GPD2: variants seen among roughly 807,000 people sequenced by gnomAD.
The protein encoded by GPD2 is glycerol-3-phosphate dehydrogenase, mitochondrial.
GPD2 carries 54 observed loss-of-function variants against 82.4 expected under a neutral mutation model. The observed-to-expected ratio is 0.66, with a 90% confidence interval of 0.53 to 0.82. GPD2 has a LOEUF of 0.82. Among genes scored for constraint, GPD2 ranks in the 40% least tolerant of loss-of-function variants. The pLI, the probability that GPD2 is intolerant of heterozygous loss-of-function variation, is 0.00. For missense variants in GPD2, 748 were observed against 896.2 expected, an observed-to-expected ratio of 0.83 and a Z score of 2.11; for synonymous variants, 288 against 306.1, an observed-to-expected ratio of 0.94 and a Z score of 0.62.
chr2:156,462,453 A>ATTTTTTTTTTTTT (rs35159143), intron 1 of GPD2, among the ~76,000 whole-genome samples: 1 of 118,186 alleles, frequency 8.5e-6, no homozygotes. Context: ...ACCCGGATAC[A>ATTTTTTTTTTTTT]TTTTTTTTTT....
chr2:156,505,215 T>C (rs1335292886), intron 3 of GPD2, among the ~76,000 whole-genome samples: 1 of 152,162 alleles, frequency 6.6e-6, no homozygotes, highest in East Asian at 1.9e-4. Context: ...GCTGTGTTAG[T>C]TCATAACTCT....
the GPD2 span, among the ~76,000 whole-genome samples, chr2:156,412,504 CT>C: frequency 6.6e-6 from 1 of 151,068 alleles, no homozygotes; most frequent in Non-Finnish European, 1.5e-5. Context: ...CCATCTTTTA[CT>C]AGTTCTGTAA....
At chr2:156,541,705 T>C (rs555123576) in intron 6 of GPD2, among the ~76,000 whole-genome samples, 1 of 152,224 alleles carries the variant, frequency 6.6e-6, no homozygotes, top group Non-Finnish European at 1.5e-5. Flanking sequence ...TATAACTGCA[T>C]AGCCTGTGAA....
intron 1 of GPD2, among the ~76,000 whole-genome samples, chr2:156,451,491 G>A (rs796463609): frequency 0.011 from 337 of 31,092 alleles, 30 homozygotes; most frequent in African/African-American, 0.031. Context: ...CCTCCCTCCC[G>A]GAAGGGGCGG....
chr2:156,477,584 T>G (rs1378483520), intron 2 of GPD2, among the ~76,000 whole-genome samples: 1 of 152,224 alleles, frequency 6.6e-6, no homozygotes, highest in Non-Finnish European at 1.5e-5. Context: ...GTCTTTTGAT[T>G]AGTGTTAGTC....
At position 156,585,044 on chromosome 2, in the gene GPD2, T is replaced by C. The variant is rs1688164699; in HGVS notation, c.*2126T>C. On this transcript the variant is annotated 3_prime_UTR_variant, in exon 17 of 17. Transcript: ENST00000438166. ...CAAAGAAAAGCACACTTTTCTTCTT[T>C]TGAGCATATCTGCTTTTACTTTAAA... 1 of 151,988 alleles carries C rather than the reference T, an allele frequency of 6.6e-6. No individual in the cohort carries two copies. The highest frequency in any genetic ancestry group is 2.1e-4 in the South Asian group (1 of 4,838). 9.4% of individuals were successfully genotyped at this position (151,988 alleles called of 1,614,324 possible).
chr2:156,409,541 T>A, the GPD2 span, among the ~76,000 whole-genome samples: 202 of 150,138 alleles, frequency 1.3e-3, no homozygotes, highest in Non-Finnish European at 2.4e-3. Context: ...CCACAAAAAA[T>A]AAAAAAAAAT....
intron 1 of GPD2, among the ~76,000 whole-genome samples, chr2:156,463,192 A>G (rs549423036): frequency 3.9e-5 from 6 of 152,238 alleles, no homozygotes; most frequent in South Asian, 2.1e-4. Flanking sequence ...TAAGTCGTCA[A>G]TAATTGAATT....
At chr2:156,435,628 G>A (rs955620492), upstream of GPD2, 1 of 152,296 alleles carries the variant, frequency 6.6e-6, no homozygotes, top group Non-Finnish European at 1.5e-5. Flanking sequence ...GGAGCCAGGA[G>A]GCCTGGCGCG....
chr2:156,559,400 G>A (rs183276439), intron 9 of GPD2, among the ~76,000 whole-genome samples: 41 of 152,134 alleles, frequency 2.7e-4, no homozygotes, highest in African/African-American at 8.9e-4. Flanking sequence ...ACAAGTTTAC[G>A]ATTAAAAATA....
the GPD2 span, among the ~76,000 whole-genome samples, chr2:156,416,878 G>A: frequency 6.6e-6 from 1 of 152,034 alleles, no homozygotes; most frequent in Non-Finnish European, 1.5e-5. Context: ...AGAAAATATT[G>A]GTGAGGAAGA....
chr2:156,476,249 A>C, intron 2 of GPD2, 42 bp downstream of exon 2: 4 of 1,057,692 alleles, frequency 3.8e-6, no homozygotes, highest in Non-Finnish European at 4.5e-6. Context: ...TGCAACTTAA[A>C]TCTGCTAAAG....
intron 1 of GPD2, among the ~76,000 whole-genome samples, chr2:156,457,209 A>G (rs1309103679): frequency 6.6e-6 from 1 of 152,234 alleles, no homozygotes; most frequent in African/African-American, 2.4e-5. Flanking sequence ...ATAAAAATAA[A>G]TACCAAGAAG....
the GPD2 span, among the ~76,000 whole-genome samples, chr2:156,409,882 A>G: frequency 6.6e-6 from 1 of 152,086 alleles, no homozygotes; most frequent in Non-Finnish European, 1.5e-5. Context: ...TGAGGCCAGG[A>G]GTTTGACACC....
chr2:156,482,861 T>C (rs1383091356), intron 2 of GPD2, among the ~76,000 whole-genome samples: 6 of 152,164 alleles, frequency 3.9e-5, no homozygotes, highest in Non-Finnish European at 7.4e-5. Context: ...GAAATACAGG[T>C]AAGCCTATAC....
the GPD2 span, among the ~76,000 whole-genome samples, chr2:156,415,616 G>A: frequency 6.6e-6 from 1 of 151,992 alleles, no homozygotes; most frequent in East Asian, 2.0e-4. Flanking sequence ...AGCACTTTGG[G>A]AGGCCGAGAC....
chr2:156,545,025 T>G (rs911290915), intron 6 of GPD2, among the ~76,000 whole-genome samples: 1 of 152,192 alleles, frequency 6.6e-6, no homozygotes, highest in African/African-American at 2.4e-5. Flanking sequence ...GTTTTCCTTT[T>G]TAAGTTTACA....
chr2:156,563,484 G>GACTGTA (rs1479266106), intron 9 of GPD2, among the ~76,000 whole-genome samples: 2 of 152,128 alleles, frequency 1.3e-5, no homozygotes, highest in African/African-American at 4.8e-5. Flanking sequence ...TATTAATCTT[G>GACTGTA]ACTGTAACCT....
At chr2:156,477,624 C>A (rs1683558838) in intron 2 of GPD2, among the ~76,000 whole-genome samples, 1 of 152,132 alleles carries the variant, frequency 6.6e-6, no homozygotes, top group African/African-American at 2.4e-5. Flanking sequence ...GTGAGGACAT[C>A]ACTCTCAATG....
Sources: gnomAD v4.1 joint callset for allele counts (sites outside exome capture counted in the v4.1 genomes callset) on GRCh38, gnomAD v4.1.1 for gene constraint, MANE v1.5 for transcripts, NCBI Gene and HGNC (gene_info 2026-07-23, HGNC 2026-07-21) for gene names.